CHN2: variants seen among roughly 807,000 people sequenced by gnomAD.
CHN2 encodes the protein beta-chimaerin.
A neutral mutation model predicts 56.3 loss-of-function variants in CHN2; 35 were observed. The ratio of observed to expected loss-of-function variants is 0.62; its 90% CI spans 0.47 to 0.82. CHN2 has a LOEUF of 0.82. Among genes scored for constraint, CHN2 ranks in the 40% least tolerant of loss-of-function variants. The pLI is 0.00. For synonymous variants in CHN2, 210 were observed against 212.8 expected (o/e 0.99, Z 0.12); for missense variants, 491 against 580.5 (o/e 0.85, Z 1.58).
chr7:29,150,344 A>C (rs551772728), intron 2 of CHN2, among the ~76,000 whole-genome samples: 2 of 152,254 alleles, frequency 1.3e-5, no homozygotes, highest in Non-Finnish European at 2.9e-5. Context: ...AGTGCTTGTC[A>C]TATATAAAGG....
intron 1 of CHN2, among the ~76,000 whole-genome samples, chr7:29,238,742 G>T (rs1309959381): frequency 2.0e-5 from 3 of 152,202 alleles, no homozygotes; most frequent in African/African-American, 7.2e-5. Flanking sequence ...TTTTAGCAAA[G>T]CCTAAATTAA....
intron 2 of CHN2, chr7:29,147,021 T>A (rs2128682472): frequency 6.5e-7 from 1 of 1,546,690 alleles, no homozygotes; most frequent in Admixed American, 2.0e-5. Flanking sequence ...TGCGCTGGAG[T>A]CTCAGAGCCA....
At chr7:29,246,657 A>T (rs535393413) in intron 1 of CHN2, among the ~76,000 whole-genome samples, 2 of 152,332 alleles carry the variant, frequency 1.3e-5, no homozygotes, top group African/African-American at 4.8e-5. Context: ...GCTATAACAG[A>T]ATACCCTAAA....
At chr7:29,344,172 A>G (rs1797253344) in intron 1 of CHN2, among the ~76,000 whole-genome samples, 1 of 152,058 alleles carries the variant, frequency 6.6e-6, no homozygotes, top group Non-Finnish European at 1.5e-5. Flanking sequence ...CACTGCCACC[A>G]TTCAAGTTCA....
intron 6 of CHN2, among the ~76,000 whole-genome samples, chr7:29,418,151 G>T (rs1477575324): frequency 6.6e-6 from 1 of 152,242 alleles, no homozygotes; most frequent in African/African-American, 2.4e-5. Context: ...GACTTCAGAG[G>T]CAGACAGTTT....
chr7:29,423,280 C>G (rs958087524), intron 6 of CHN2, among the ~76,000 whole-genome samples: 2 of 152,366 alleles, frequency 1.3e-5, no homozygotes, highest in African/African-American at 2.4e-5. Flanking sequence ...CTGCACCCCG[C>G]AGGACTGAAG....
At chr7:29,214,161 T>G (rs1463018639) in intron 1 of CHN2, among the ~76,000 whole-genome samples, 2 of 152,188 alleles carry the variant, frequency 1.3e-5, no homozygotes, top group Non-Finnish European at 2.9e-5. Flanking sequence ...GACTTCCATT[T>G]ATGCTCAAAT....
chr7:29,440,399 A>G (rs557718971), intron 6 of CHN2, among the ~76,000 whole-genome samples: 1 of 152,224 alleles, frequency 6.6e-6, no homozygotes, highest in African/African-American at 2.4e-5. Context: ...ACAATTAAAG[A>G]GTGCACAGAG....
intron 2 of CHN2, among the ~76,000 whole-genome samples, chr7:29,184,985 A>T (rs150075004): frequency 1.3e-5 from 2 of 152,288 alleles, no homozygotes; most frequent in East Asian, 3.9e-4. Context: ...TTGAGAGTAG[A>T]TGTCTCTAAG....
chr7:29,403,033 G>A (rs117618751), intron 6 of CHN2, among the ~76,000 whole-genome samples: 2,265 of 152,222 alleles, frequency 0.015, 20 homozygotes, highest in Non-Finnish European at 0.024. Flanking sequence ...TGATGGACGG[G>A]TGTCGGTGGT....
chr7:29,451,123 C>T (rs1167419914), intron 6 of CHN2, among the ~76,000 whole-genome samples: 2 of 152,168 alleles, frequency 1.3e-5, no homozygotes, highest in African/African-American at 4.8e-5. Context: ...ACAACGCACC[C>T]CCACCACCAC....
chr7:29,351,724 G>A, intron 1 of CHN2, among the ~76,000 whole-genome samples: 1 of 152,206 alleles, frequency 6.6e-6, no homozygotes, highest in Non-Finnish European at 1.5e-5. Flanking sequence ...GAAAGCCAGT[G>A]TAGTTGGATG....
intron 6 of CHN2, among the ~76,000 whole-genome samples, chr7:29,450,826 C>T (rs553246765): frequency 4.6e-4 from 69 of 151,372 alleles, no homozygotes; most frequent in African/African-American, 1.6e-3. Context: ...GGCTGGTGTG[C>T]GGTGGTGTAA....
chr7:29,193,709 TC>T (rs1183047476), upstream of CHN2: 1 of 152,232 alleles, frequency 6.6e-6, no homozygotes, highest in Non-Finnish European at 1.5e-5. Context: ...AGTCTCTTTC[TC>T]TCACACACCT....
intron 1 of CHN2, among the ~76,000 whole-genome samples, chr7:29,291,320 A>G (rs1331859492): frequency 6.6e-6 from 1 of 152,072 alleles, no homozygotes; most frequent in Non-Finnish European, 1.5e-5. Flanking sequence ...ACCAATTATT[A>G]TTTAAGAGAC....
chr7:29,411,195 G>A lies in CHN2; in HGVS notation c.576+10367G>A, dbSNP rs111274008. Among the ~76,000 whole-genome samples, 17 of 152,286 alleles carry A rather than the reference G, an allele frequency of 1.1e-4. 1 individual carries two copies. Among genetic ancestry groups the A allele is most frequent in the African/African-American group, 3.8e-4 (16 of 41,564 alleles). On this transcript the variant is annotated intron_variant, in intron 6 of 12. Transcript: ENST00000222792. ...TGCAATTCTGATATATATGGCCAATGAGGAGCCACCGACTGGGTCTCATTC... is the reference window on the plus strand; with the variant it reads ...TGCAATTCTGATATATATGGCCAATAAGGAGCCACCGACTGGGTCTCATTC...
chr7:29,393,468 G>A (rs1801507623), intron 3 of CHN2, among the ~76,000 whole-genome samples: 2 of 152,130 alleles, frequency 1.3e-5, no homozygotes, highest in Non-Finnish European at 2.9e-5. Flanking sequence ...GTTTGGGTGG[G>A]AAATGAGCCT....
At chr7:29,175,734 C>G (rs576275913) in intron 2 of CHN2, among the ~76,000 whole-genome samples, 1 of 152,016 alleles carries the variant, frequency 6.6e-6, no homozygotes, top group Non-Finnish European at 1.5e-5. Flanking sequence ...ATAAGTTACC[C>G]AAGCGGAGCA....
In CHN2 at chr7:29,278,797, C is replaced by T. The variant is rs921033286; in HGVS notation, c.50-75828C>T. On this transcript the variant is annotated intron_variant, in intron 1 of 12. Coordinates refer to ENST00000222792, the MANE Select transcript of CHN2 (RefSeq NM_004067.4). ...GCGGGGGTCTTGTCTAGCTTGCTAG[C>T]CCTCCCCCATAAGGAGTTAAAATTG... Among the ~76,000 whole-genome samples the T allele has an allele frequency of 4.6e-5, 7 of 152,214 alleles. 1 individual carries two copies. Among genetic ancestry groups the T allele is most frequent in the African/African-American group, 1.7e-4 (7 of 41,458 alleles).
Sources: gnomAD v4.1 joint callset for allele counts (sites outside exome capture counted in the v4.1 genomes callset) on GRCh38, gnomAD v4.1.1 for gene constraint, MANE v1.5 for transcripts, NCBI Gene and HGNC (gene_info 2026-07-23, HGNC 2026-07-21) for gene names.